Variants in CLPTM1 observed in about 807,000 individuals in gnomAD.
CLPTM1 encodes the protein CLPTM1 regulator of GABA type A receptor forward trafficking, also known as putative lipid scramblase CLPTM1.
A neutral mutation model predicts 77.3 loss-of-function variants in CLPTM1; 21 were observed. The observed-to-expected ratio is 0.27, with a 90% CI of 0.19 to 0.39. The LOEUF (loss-of-function observed/expected upper bound fraction) is 0.39. Ranked by LOEUF, CLPTM1 falls within the 10% of genes least tolerant of loss-of-function variation. The pLI is 1.00. For synonymous variants in CLPTM1, 373 were observed against 381.0 expected (o/e 0.98, Z 0.24); for missense variants, 642 against 921.2 (o/e 0.70, Z 3.92).
intron 1 of CLPTM1, 86 bp downstream of exon 1, chr19:44,955,553 C>G: frequency 8.4e-7 from 1 of 1,190,932 alleles, no homozygotes; most frequent in Non-Finnish European, 1.1e-6. Context: ...GTCACGGAAT[C>G]CCGTGCACTG....
Position 44,977,338 on chromosome 19 carries a change from T to G in CLPTM1, c.469-5T>G. ...CCTGCCCACCTGACCTTCCGTCTTT[T>G]GCAGAGCGTCCAGCAGAACGGCTCC... is the stretch of plus-strand genomic sequence containing the variant. On this transcript the variant is annotated splice_polypyrimidine_tract_variant and splice_region_variant and intron_variant, in intron 4 of 13. Transcript: ENST00000337392. The G allele has an allele frequency of 6.2e-7, 1 of 1,607,020 alleles. No homozygotes were observed. The highest frequency in any genetic ancestry group is 8.5e-7 in the Non-Finnish European group (1 of 1,178,784).
intron 2 of CLPTM1, among the ~76,000 whole-genome samples, chr19:44,966,279 C>T (rs1282119328): frequency 1.3e-5 from 2 of 152,014 alleles, no homozygotes. Flanking sequence ...GGCATGGTGG[C>T]AGGCGCCTAT....
intron 7 of CLPTM1, chr19:44,986,874 A>G (rs376527968): frequency 3.3e-4 from 174 of 529,294 alleles, no homozygotes; most frequent in African/African-American, 3.1e-3. Context: ...TTGAGGCAGT[A>G]TCACTTAAAA....
At chr19:44,978,355 A>C (rs1970838665) in intron 5 of CLPTM1, among the ~76,000 whole-genome samples, 1 of 150,466 alleles carries the variant, frequency 6.6e-6, no homozygotes, top group African/African-American at 2.4e-5. Flanking sequence ...CATTGAGCTG[A>C]GATCACGCCA....
chr19:44,958,739 A>G (rs204907), intron 1 of CLPTM1, among the ~76,000 whole-genome samples: 12,787 of 152,214 alleles, frequency 0.084, 688 homozygotes, highest in African/African-American at 0.15. Context: ...CTCCTGGTCC[A>G]TTTATGCAGT....
chr19:44,983,762 A>G (rs555593390), intron 5 of CLPTM1, among the ~76,000 whole-genome samples: 30 of 152,164 alleles, frequency 2.0e-4, no homozygotes, highest in African/African-American at 6.3e-4. Context: ...GGAGATTGAG[A>G]CAATCCTGGC....
chr19:44,961,829 T>G, intron 1 of CLPTM1, 134 bp from the exon 2 acceptor site: 1 of 520,226 alleles, frequency 1.9e-6, no homozygotes, highest in Non-Finnish European at 3.4e-6. Flanking sequence ...CCAGGTGTTT[T>G]CACTGATTCA....
In CLPTM1 at chr19:44,990,219, G is replaced by C. The variant is rs959545244; in HGVS notation, c.1133-176G>C. ...GTGCCGCCTGTCTGGTGCTCTGGGG[G>C]TCACCCAATGAATATGAGAGCCTTC... On this transcript the variant is annotated intron_variant, in intron 9 of 13. Coordinates refer to ENST00000337392, the MANE Select transcript of CLPTM1 (RefSeq NM_001294.4). The surrounding 1 kb of genome is among the most constrained non-coding windows in gnomAD (Gnocchi z 4.8). The C allele has an allele frequency of 1.1e-5, 7 of 637,222 alleles. No homozygotes were observed. The highest frequency in any genetic ancestry group is 1.9e-5 in the Non-Finnish European group (7 of 368,776). The allele number at this position is 637,222 out of a possible 1,614,324, so 39.5% of individuals were successfully genotyped here.
rs574840201 is a variant in CLPTM1, at chr19:44,957,967, A to C, written c.72+2500A>C. Among the ~76,000 whole-genome samples the C allele has an allele frequency of 3.5e-4, 53 of 152,324 alleles. 1 individual carries two copies. Among genetic ancestry groups the C allele is most frequent in the Middle Eastern group, 6.8e-3 (2 of 294 alleles). On this transcript the variant is annotated intron_variant, in intron 1 of 13. Transcript: ENST00000337392. ...AGCTGAATTTATAGGGGAAGCACAGACAGGGACACACAGTGAACAAGATAA... is the reference window on the plus strand; with the variant it reads ...AGCTGAATTTATAGGGGAAGCACAGCCAGGGACACACAGTGAACAAGATAA...
At chr19:44,986,420 C>CTGCCTCTGAGGTCCTTCCCCCCATGT in intron 6 of CLPTM1, 35 bp from the exon 7 acceptor site, 1 of 1,604,386 alleles carries the variant, frequency 6.2e-7, no homozygotes, top group Non-Finnish European at 8.5e-7. Context: ...GCACTTCCAC[C>CTGCCTCTGAGGTCCTTCCCCCCATGT]TGCCTCTGAG....
At chr19:44,977,766 G>A (rs756636661) in intron 5 of CLPTM1, among the ~76,000 whole-genome samples, 10 of 152,166 alleles carry the variant, frequency 6.6e-5, no homozygotes, top group Non-Finnish European at 1.5e-4. Flanking sequence ...TCACCAAGGG[G>A]GAAGGGCCAG....
chr19:44,954,892 C>A, upstream of CLPTM1: 1 of 1,321,276 alleles, frequency 7.6e-7, no homozygotes, highest in Non-Finnish European at 1.0e-6. Context: ...GGTCAGAAGA[C>A]AAGGGTGCTG....
At chr19:44,968,265 A>G (rs768301774) in intron 2 of CLPTM1, among the ~76,000 whole-genome samples, 23 of 152,030 alleles carry the variant, frequency 1.5e-4, no homozygotes, top group Middle Eastern at 3.4e-3. Flanking sequence ...GGGCCCATGA[A>G]CTCCTTGTAG....
chr19:44,990,093 AC>A lies in CLPTM1; in HGVS notation c.1133-301del. On this transcript the variant is annotated intron_variant, in intron 9 of 13. Coordinates refer to ENST00000337392, the MANE Select transcript of CLPTM1 (RefSeq NM_001294.4). The surrounding 1 kb of genome is among the most constrained non-coding windows in gnomAD (Gnocchi z 4.8). ...CCCTGACCAGTCCTTAGCACCTGGC[AC>A]GTGGTGAGCCCTGTCCATGGCACCA... 1 of 396,656 alleles carries A rather than the reference AC, an allele frequency of 2.5e-6. No individual in the cohort carries two copies. Among genetic ancestry groups the A allele is most frequent in the South Asian group, 5.3e-5 (1 of 18,844 alleles). 24.6% of individuals were successfully genotyped at this position (396,656 alleles called of 1,614,324 possible).
chr19:44,968,416 A>G (rs554055783), intron 2 of CLPTM1, among the ~76,000 whole-genome samples: 2 of 152,308 alleles, frequency 1.3e-5, no homozygotes, highest in African/African-American at 2.4e-5. Context: ...AGTTTTGATT[A>G]TACGTCTTTT....
In CLPTM1 at chr19:44,988,134, A is replaced by T. The variant is rs747000562; in HGVS notation, c.1093A>T (p.Ile365Phe). ...YLLALTIIVS[I>F]VHSVFEFLAF... ...GCTGGCGCTCACCATCATCGTGTCT[A>T]TCGTTCACAGTGTCTTCGAGTTCCT... The change falls in exon 9 of 14, where the codon ATC (isoleucine) becomes TTC (phenylalanine). Residue 365 changes from isoleucine to phenylalanine, a missense_variant. Physicochemically the swap from Ile to Phe is conservative, Grantham distance 21. This residue lies in a region of CLPTM1 where 521 missense variants were observed against 800.4 expected (regional missense o/e 0.65). Transcript: ENST00000337392. The T allele has an allele frequency of 6.2e-7, 1 of 1,614,056 alleles. No individual in the cohort carries two copies. The highest frequency in any genetic ancestry group is 1.1e-5 in the South Asian group (1 of 91,080).
chr19:44,954,992 C>T (rs959902541), upstream of CLPTM1: 31 of 1,535,528 alleles, frequency 2.0e-5, no homozygotes, highest in South Asian at 7.1e-5. Flanking sequence ...GTACAGTGGC[C>T]GGTAAAGCTC....
chr19:44,977,862 T>C (rs1970830622), intron 5 of CLPTM1, among the ~76,000 whole-genome samples: 1 of 152,080 alleles, frequency 6.6e-6, no homozygotes, highest in Admixed American at 6.6e-5. Flanking sequence ...ATGCCTGTAA[T>C]CCTAGCACTT....
At chr19:44,955,588 T>G in intron 1 of CLPTM1, 121 bp downstream of exon 1, 2 of 993,098 alleles carry the variant, frequency 2.0e-6, no homozygotes, top group Non-Finnish European at 2.6e-6. Flanking sequence ...AGAGGGACCT[T>G]GAATACCCGG....
Sources: allele counts gnomAD v4.1 joint callset (sites outside exome capture counted in the v4.1 genomes callset), GRCh38; gene constraint gnomAD v4.1.1; regional missense constraint gnomAD v4.1.1; non-coding constraint Gnocchi (gnomAD v3.1); transcripts MANE v1.5; gene names NCBI Gene and HGNC (gene_info 2026-07-23, HGNC 2026-07-21).